Variants in PREX2 observed in about 807,000 individuals in gnomAD.
The protein encoded by PREX2 is phosphatidylinositol 3,4,5-trisphosphate-dependent Rac exchanger 2 protein.
PREX2 carries 107 observed loss-of-function variants against 203.2 expected under a neutral mutation model. The ratio of observed to expected loss-of-function variants is 0.53; its 90% CI spans 0.45 to 0.62. The LOEUF (loss-of-function observed/expected upper bound fraction) is 0.62, where lower values mean the gene tolerates loss of function less well. Ranked by LOEUF, PREX2 falls within the 20% of genes least tolerant of loss-of-function variation. The pLI, the probability that PREX2 is intolerant of heterozygous loss-of-function variation, is 0.00. For missense variants in PREX2, 1,777 were observed against 1,955.9 expected (o/e 0.91, Z 1.72); for synonymous variants, 672 against 663.6 (o/e 1.01, Z -0.19).
chr8:67,981,679 A>G (rs976652837), intron 1 of PREX2, among the ~76,000 whole-genome samples: 3 of 152,230 alleles, frequency 2.0e-5, no homozygotes, highest in East Asian at 1.9e-4. Context: ...TTTTACTTCA[A>G]TGAACTTTAA....
rs1002946508 is a variant in PREX2, at chr8:68,159,384, T to C, written c.4346+1948T>C. ...TTTGCATAAAGTGCAAGAAGAATAG[T>C]GAATGGCCATATAGTCTCTTTTAAG... On this transcript the variant is annotated intron_variant, in intron 35 of 39. Transcript: ENST00000288368. Among the ~76,000 whole-genome samples, 3 of 152,196 alleles carry C rather than the reference T, an allele frequency of 2.0e-5. No homozygotes were observed. The East Asian group carries it at 5.8e-4, about 29-fold the overall frequency.
At chr8:68,133,395 T>G (rs1811046881) in intron 31 of PREX2, among the ~76,000 whole-genome samples, 1 of 152,204 alleles carries the variant, frequency 6.6e-6, no homozygotes. Flanking sequence ...ATAAGAATCC[T>G]GGTAAACATA....
At chr8:67,993,509 C>A (rs1806672079) in intron 1 of PREX2, among the ~76,000 whole-genome samples, 1 of 151,428 alleles carries the variant, frequency 6.6e-6, no homozygotes, top group East Asian at 1.9e-4. Flanking sequence ...CAGGCTCAAG[C>A]AATTCTCCTG....
Position 68,115,815 on chromosome 8 carries a change from C to T in PREX2, c.3209C>T (p.Pro1070Leu). 6.2e-7 allele frequency: 1 copy of T among 1,613,338 alleles called. No individual in the cohort carries two copies. The highest frequency in any genetic ancestry group is 8.5e-7 in the Non-Finnish European group (1 of 1,179,634). Reference protein sequence around the residue: ...LERKTSEGIIPTDSDNEKGER... With the variant: ...LERKTSEGIILTDSDNEKGER... ...CGTAAGACATCAGAGGGCATAATAC[C>T]AACAGACAGTGACAATGAGAAGGGA... Residue 1070 changes from proline to leucine, a missense_variant, in exon 26 of 40, where the codon CCA becomes CTA. By Grantham distance (98) the Pro-to-Leu change is moderately conservative (BLOSUM62 -3). Coordinates refer to ENST00000288368, the MANE Select transcript of PREX2 (RefSeq NM_024870.4).
At chr8:68,066,465 T>C (rs1317192552) in intron 11 of PREX2, among the ~76,000 whole-genome samples, 1 of 152,162 alleles carries the variant, frequency 6.6e-6, no homozygotes, top group African/African-American at 2.4e-5. Context: ...CCCTGATGAT[T>C]AGAGATGTTG....
Position 68,192,438 on chromosome 8 carries a change from C to T in PREX2, c.4517C>T (p.Ser1506Phe). The T allele has an allele frequency of 1.2e-6, 2 of 1,614,040 alleles. No homozygotes were observed. The highest frequency in any genetic ancestry group is 1.7e-6 in the Non-Finnish European group (2 of 1,179,998). The change falls in exon 37 of 40, where the codon TCT becomes TTT. Residue 1506 changes from serine to phenylalanine, a missense_variant. Transcript: ENST00000288368. ...AACANTACSA[S>F]GVGLLSVSSE... ...TGTGCAAACACAGCTTGCAGTGCTT[C>T]TGGGGTTGGACTGCTGTCAGTTTCC...
intron 26 of PREX2, 121 bp from the exon 27 acceptor site, chr8:68,118,429 T>C: frequency 1.6e-6 from 1 of 626,346 alleles, no homozygotes; most frequent in South Asian, 2.0e-5. Context: ...AGTTTATCTT[T>C]CTCATAGTTT....
intron 15 of PREX2, among the ~76,000 whole-genome samples, chr8:68,078,552 C>A (rs1365445460): frequency 3.3e-5 from 5 of 152,144 alleles, no homozygotes; most frequent in African/African-American, 1.2e-4. Context: ...AATATCTTTA[C>A]ATTTTTATGA....
At position 68,108,327 on chromosome 8, in the gene PREX2, G is replaced by C; in HGVS notation, c.2934G>C (p.Glu978Asp). ...NSHDKENKSSEQGKLSPMVYI... is the reference protein window; with the variant it reads ...NSHDKENKSSDQGKLSPMVYI... Reference sequence around the variant, plus strand: ...ATGATAAAGAAAACAAATCTTCGGAGCAAGGTATGCTAGCTTTTGCAACTT... The same window carrying C: ...ATGATAAAGAAAACAAATCTTCGGACCAAGGTATGCTAGCTTTTGCAACTT... The change falls in exon 24 of 40, where the codon GAG becomes GAC. Residue 978 changes from glutamate (E) to aspartate (D), a missense_variant. By Grantham distance (45) the Glu-to-Asp change is conservative. Coordinates refer to ENST00000288368, the MANE Select transcript of PREX2 (RefSeq NM_024870.4). The C allele has an allele frequency of 1.2e-6, 2 of 1,611,762 alleles. No individual in the cohort carries two copies. Among genetic ancestry groups the C allele is most frequent in the Non-Finnish European group, 1.7e-6 (2 of 1,178,286 alleles).
intron 10 of PREX2, 94 bp downstream of exon 10, chr8:68,056,068 C>A: frequency 7.7e-7 from 1 of 1,299,202 alleles, no homozygotes; most frequent in Non-Finnish European, 1.1e-6. Context: ...TAAAAATATT[C>A]CCTTAGGCAC....
At chr8:68,120,112 A>C (rs1010474181) in intron 28 of PREX2, 84 bp from the exon 29 acceptor site, 1 of 912,178 alleles carries the variant, frequency 1.1e-6, no homozygotes, top group Non-Finnish European at 1.7e-6. Flanking sequence ...GCTTTAAGAA[A>C]AAATATTTTA....
chr8:68,228,269 A>G (rs751750302), intron 39 of PREX2, among the ~76,000 whole-genome samples: 1 of 152,184 alleles, frequency 6.6e-6, no homozygotes, highest in Non-Finnish European at 1.5e-5. Flanking sequence ...CTCTTGTGCT[A>G]TGAAAACCTG....
At chr8:68,065,867 G>A (rs959363923) in intron 11 of PREX2, among the ~76,000 whole-genome samples, 1 of 152,178 alleles carries the variant, frequency 6.6e-6, no homozygotes, top group Non-Finnish European at 1.5e-5. Flanking sequence ...AAGAGAAAGC[G>A]TAGAGATTTA....
At chr8:67,968,918 G>A (rs973615996) in intron 1 of PREX2, among the ~76,000 whole-genome samples, 2 of 152,176 alleles carry the variant, frequency 1.3e-5, no homozygotes, top group African/African-American at 2.4e-5. Flanking sequence ...AGGAAATAAT[G>A]CAAGATACAG....
At chr8:68,073,534 ATAT>A (rs1197169986) in intron 14 of PREX2, among the ~76,000 whole-genome samples, 4 of 152,092 alleles carry the variant, frequency 2.6e-5, no homozygotes, top group African/African-American at 9.7e-5. Context: ...ATATTAGTTA[ATAT>A]TATTTTTAGG....
chr8:68,173,898 A>T (rs375563552), intron 35 of PREX2, among the ~76,000 whole-genome samples: 39 of 152,322 alleles, frequency 2.6e-4, no homozygotes, highest in African/African-American at 8.9e-4. Context: ...GAAAGTTGGA[A>T]GTGTCAAAGG....
intron 37 of PREX2, among the ~76,000 whole-genome samples, chr8:68,198,274 A>C (rs1812438233): frequency 6.6e-6 from 1 of 152,200 alleles, no homozygotes; most frequent in African/African-American, 2.4e-5. Context: ...AACAAATAAA[A>C]GTATTTAATA....
chr8:68,056,792 T>G (rs1412974742), intron 10 of PREX2, among the ~76,000 whole-genome samples: 1 of 152,230 alleles, frequency 6.6e-6, no homozygotes, highest in East Asian at 1.9e-4. Context: ...TAAAGTAGAC[T>G]GGAGTCATAG....
At chr8:68,206,363 T>G (rs1812626583) in intron 37 of PREX2, among the ~76,000 whole-genome samples, 1 of 152,220 alleles carries the variant, frequency 6.6e-6, no homozygotes, top group Non-Finnish European at 1.5e-5. Context: ...CGAATCCATC[T>G]TCTCGTTGCA....
Sources: allele counts gnomAD v4.1 joint callset (sites outside exome capture counted in the v4.1 genomes callset), GRCh38; gene constraint gnomAD v4.1.1; transcripts MANE v1.5; gene names NCBI Gene and HGNC (gene_info 2026-07-23, HGNC 2026-07-21).